DLGAP1: variants seen among roughly 807,000 people sequenced by gnomAD.
DLGAP1 encodes the protein DLG associated protein 1.
In DLGAP1, 11 loss-of-function variants were observed where a neutral mutation model predicts 90.8. The ratio of observed to expected loss-of-function variants is 0.12; its 90% confidence interval spans 0.08 to 0.20. The LOEUF (loss-of-function observed/expected upper bound fraction) is 0.20, where lower values mean the gene tolerates loss of function less well. DLGAP1 is among the 10% of genes least tolerant of loss of function. The pLI is 1.00. For missense variants in DLGAP1, 1,050 were observed against 1,333.8 expected, an observed-to-expected ratio of 0.79 and a Z score of 3.31; for synonymous variants, 558 against 540.7, an observed-to-expected ratio of 1.03 and a Z score of -0.44.
intron 1 of DLGAP1, among the ~76,000 whole-genome samples, chr18:4,320,595 A>C (rs1377207379): frequency 6.6e-6 from 1 of 151,898 alleles, no homozygotes; most frequent in African/African-American, 2.4e-5. Context: ...CCCCTCATTC[A>C]CTCTCCTGTA....
intron 7 of DLGAP1, among the ~76,000 whole-genome samples, chr18:3,686,896 G>T (rs1206208390): frequency 6.6e-6 from 1 of 152,142 alleles, no homozygotes; most frequent in Non-Finnish European, 1.5e-5. Flanking sequence ...ACTGATTAAG[G>T]ATCCTGAGGT....
Position 3,711,964 on chromosome 18 carries a change from G to T in DLGAP1, c.1591+17171C>A, listed in dbSNP as rs1012598171. Among the ~76,000 whole-genome samples the T allele has an allele frequency of 9.8e-5, 15 of 152,312 alleles. No individual in the cohort carries two copies. Among genetic ancestry groups the T allele is most frequent in the African/African-American group, 3.6e-4 (15 of 41,574 alleles). On this transcript the variant is annotated intron_variant, in intron 7 of 12. Transcript: ENST00000315677. This position sits in a 1 kb window ranked among gnomAD's most constrained non-coding sequence, Gnocchi z 4.0. ...AAGGGAGGCATACAGAAATGTATAA[G>T]GAGGCATGAGTCCTAACAAACTATT...
At chr18:3,531,465 C>T (rs911242995) in intron 10 of DLGAP1, among the ~76,000 whole-genome samples, 2 of 149,740 alleles carry the variant, frequency 1.3e-5, no homozygotes, top group East Asian at 1.9e-4. Context: ...GTTTTTGTTA[C>T]GTACGATAAT....
At chr18:3,977,235 C>A (rs1016753068) in intron 3 of DLGAP1, among the ~76,000 whole-genome samples, 3 of 152,032 alleles carry the variant, frequency 2.0e-5, no homozygotes, top group Non-Finnish European at 4.4e-5. Flanking sequence ...CCACTCCCAG[C>A]TAATTTTTGT....
chr18:3,534,414 G>C lies in DLGAP1; in HGVS notation c.2259C>G (p.Ala753=). 6.2e-7 allele frequency: 1 copy of C among 1,614,160 alleles called. No homozygotes were observed. The highest frequency in any genetic ancestry group is 8.5e-7 in the Non-Finnish European group (1 of 1,180,030). The change falls in exon 10 of 13, where the codon GCC becomes GCG. Residue 753 remains alanine (A), a synonymous_variant. Transcript: ENST00000315677. ...CAAAATCCGTGTCAAAGTCATCATC[G>C]GCGGCACAGGCATGGTAATGGTTTC... ...GSGNHYHACA[A]DDDFDTDFDP... is the part of the protein sequence containing the mutation.
chr18:3,765,952 A>C (rs1281402127), intron 5 of DLGAP1, among the ~76,000 whole-genome samples: 1 of 152,236 alleles, frequency 6.6e-6, no homozygotes, highest in Non-Finnish European at 1.5e-5. Flanking sequence ...CAACAGACAA[A>C]ATAAACAGAA....
chr18:3,499,116 A>AGCCGGCAGAGGAGCGGCC lies in DLGAP1; in HGVS notation c.*51_*68dup. On this transcript the variant is annotated 3_prime_UTR_variant, in exon 13 of 13. Transcript: ENST00000315677. The surrounding 1 kb of genome is among the most constrained non-coding windows in gnomAD (Gnocchi z 6.4). ...CGGACGGGCTCGGAGGGGGAGAGGC[A>AGCCGGCAGAGGAGCGGCC]GCCGGCAGAGGAGCGGCCGGGGGAG... is the stretch of plus-strand genomic sequence containing the variant. 7.3e-7 allele frequency: 1 copy of AGCCGGCAGAGGAGCGGCC among 1,370,542 alleles called. No individual in the cohort carries two copies. The highest frequency in any genetic ancestry group is 1.5e-5 in the African/African-American group (1 of 64,974). 84.9% of individuals were successfully genotyped at this position (1,370,542 alleles called of 1,614,324 possible). A position where few individuals can be genotyped will look rare whatever the true frequency, so the allele number is the denominator to read the frequency against.
chr18:3,959,678 A>AAAGAAAGAAAGG (rs1366138990), intron 3 of DLGAP1, among the ~76,000 whole-genome samples: 1 of 151,912 alleles, frequency 6.6e-6, no homozygotes, highest in Non-Finnish European at 1.5e-5. Context: ...AAAAAGAAAG[A>AAAGAAAGAAAGG]AAGAAAGAAA....
At chr18:4,257,435 C>G (rs1199160542) in intron 1 of DLGAP1, among the ~76,000 whole-genome samples, 1 of 152,002 alleles carries the variant, frequency 6.6e-6, no homozygotes, top group Non-Finnish European at 1.5e-5. Context: ...CAGTATCTGG[C>G]TAAATAGGGT....
chr18:4,182,596 C>T (rs1355604647), intron 1 of DLGAP1, among the ~76,000 whole-genome samples: 1 of 152,038 alleles, frequency 6.6e-6, no homozygotes. Flanking sequence ...TTACTCATTC[C>T]CTAGGTATCT....
intron 9 of DLGAP1, among the ~76,000 whole-genome samples, chr18:3,561,541 G>A (rs1030301630): frequency 2.5e-4 from 38 of 149,950 alleles, no homozygotes; most frequent in Non-Finnish European, 1.2e-4. Context: ...ATTTCTTGAA[G>A]GTCTGCTGGC....
intron 5 of DLGAP1, among the ~76,000 whole-genome samples, chr18:3,759,282 A>G (rs1049963604): frequency 1.3e-5 from 2 of 151,682 alleles, no homozygotes; most frequent in African/African-American, 4.8e-5. Flanking sequence ...ACAAAACCCA[A>G]CCTGATTTGG....
intron 3 of DLGAP1, among the ~76,000 whole-genome samples, chr18:3,925,056 G>T (rs1022629508): frequency 5.3e-5 from 8 of 152,160 alleles, no homozygotes; most frequent in Non-Finnish European, 1.2e-4. Flanking sequence ...GAGTTCAAGC[G>T]ATTCTCCTGC....
At chr18:4,278,065 TTTA>T (rs375130274) in intron 1 of DLGAP1, among the ~76,000 whole-genome samples, 1 of 152,144 alleles carries the variant, frequency 6.6e-6, no homozygotes, top group Non-Finnish European at 1.5e-5. Flanking sequence ...TTGGCTCTTT[TTTA>T]TTATTTTTAT....
At chr18:4,369,280 C>T (rs2081858745) in intron 1 of DLGAP1, among the ~76,000 whole-genome samples, 1 of 150,094 alleles carries the variant, frequency 6.7e-6, no homozygotes, top group Admixed American at 6.6e-5. Context: ...TTTGTGTATA[C>T]ATGCATATGA....
At chr18:3,568,763 C>T (rs1023986235) in intron 8 of DLGAP1, among the ~76,000 whole-genome samples, 42 of 151,328 alleles carry the variant, frequency 2.8e-4, no homozygotes, top group African/African-American at 7.0e-4. Flanking sequence ...CTCGGCTCAC[C>T]GCAAGCTCCG....
At chr18:4,278,087 T>C (rs912036964) in intron 1 of DLGAP1, among the ~76,000 whole-genome samples, 42 of 152,242 alleles carry the variant, frequency 2.8e-4, no homozygotes, top group African/African-American at 8.4e-4. Context: ...ATTGTTGTTG[T>C]TTTGTATTTG....
intron 9 of DLGAP1, among the ~76,000 whole-genome samples, chr18:3,542,413 C>T (rs1189886591): frequency 6.6e-6 from 1 of 152,120 alleles, no homozygotes; most frequent in Non-Finnish European, 1.5e-5. Context: ...GTTTGCCATC[C>T]CTTTTTCTAG....
chr18:4,372,368 G>A (rs922458838), intron 1 of DLGAP1, among the ~76,000 whole-genome samples: 6 of 152,340 alleles, frequency 3.9e-5, no homozygotes, highest in African/African-American at 1.4e-4. Flanking sequence ...GGACAGCCAC[G>A]ATATGGCCTT....
Sources: allele counts gnomAD v4.1 joint callset (sites outside exome capture counted in the v4.1 genomes callset), GRCh38; gene constraint gnomAD v4.1.1; non-coding constraint Gnocchi (gnomAD v3.1); transcripts MANE v1.5; gene names NCBI Gene and HGNC (gene_info 2026-07-23, HGNC 2026-07-21).